The following MYH13 variants were observed in gnomAD, a reference collection of about 807,000 sequenced individuals.
MYH13 encodes the protein myosin-13.
A neutral mutation model predicts 232.1 loss-of-function variants in MYH13; 177 were observed. That is an observed-to-expected ratio of 0.76 (90% CI 0.67 to 0.86). The LOEUF (loss-of-function observed/expected upper bound fraction) is 0.86. Ranked by LOEUF, MYH13 falls within the 40% of genes least tolerant of loss-of-function variation. The probability of loss-of-function intolerance (pLI) is 0.00; values close to 1 mark genes in which losing one functional copy is unlikely to be tolerated. For missense variants in MYH13, 2,246 were observed against 2,405.9 expected, an observed-to-expected ratio of 0.93 and a Z score of 1.39; for synonymous variants, 884 against 923.5, an observed-to-expected ratio of 0.96 and a Z score of 0.78.
intron 21 of MYH13, 42 bp downstream of exon 21, chr17:10,330,345 G>T: frequency 6.2e-7 from 1 of 1,607,720 alleles, no homozygotes; most frequent in Non-Finnish European, 8.5e-7. Flanking sequence ...CAGCTGCTAA[G>T]CAGAGAGGGC....
intron 7 of MYH13, among the ~76,000 whole-genome samples, chr17:10,358,670 C>T (rs1335650136): frequency 1.3e-5 from 2 of 152,090 alleles, no homozygotes; most frequent in Non-Finnish European, 2.9e-5. Flanking sequence ...AGGATGATCG[C>T]TTGAGCCCAG....
intron 11 of MYH13, among the ~76,000 whole-genome samples, chr17:10,351,573 C>T (rs73977144): frequency 0.027 from 4,056 of 152,238 alleles, 142 homozygotes; most frequent in African/African-American, 0.084. Context: ...ATTAAATCCC[C>T]ATGAAGCCCC....
At position 10,350,746 on chromosome 17, in the gene MYH13, C is replaced by G. The variant is rs1243216231; in HGVS notation, c.1006-52G>C. The G allele has an allele frequency of 7.5e-6, 12 of 1,609,018 alleles. No individual in the cohort carries two copies. The East Asian group carries it at 2.5e-4, about 33-fold the overall frequency. On this transcript the variant is annotated intron_variant, in intron 11 of 40. Transcript: ENST00000252172. ...ATAGCAGGAATCAGGGATCCATATGCAGCCTTTTCTTGGCAAAGACCTTAC... is the reference window on the plus strand; with the variant it reads ...ATAGCAGGAATCAGGGATCCATATGGAGCCTTTTCTTGGCAAAGACCTTAC...
At chr17:10,322,378 CAG>C (rs1323895943) in intron 23 of MYH13, among the ~76,000 whole-genome samples, 1 of 152,048 alleles carries the variant, frequency 6.6e-6, no homozygotes, top group African/African-American at 2.4e-5. Flanking sequence ...AGCCTGGTGA[CAG>C]AGCGAGACTC....
chr17:10,309,020 G>A (rs1365566162), intron 35 of MYH13, among the ~76,000 whole-genome samples: 2 of 152,270 alleles, frequency 1.3e-5, no homozygotes, highest in Non-Finnish European at 2.9e-5. Context: ...ATGTTTGGAT[G>A]AGAGAAAGCT....
chr17:10,361,145 A>G (rs182350888), intron 5 of MYH13, among the ~76,000 whole-genome samples: 154 of 152,326 alleles, frequency 1.0e-3, no homozygotes, highest in Non-Finnish European at 1.8e-3. Flanking sequence ...TTTAAAATTA[A>G]TGTAACATGA....
intron 23 of MYH13, 77 bp downstream of exon 23, chr17:10,323,945 G>A (rs1907099924): frequency 1.5e-5 from 23 of 1,559,714 alleles, no homozygotes; most frequent in East Asian, 4.5e-5. Context: ...GGACTCCTAC[G>A]CCACCCTTTC....
chr17:10,362,360 G>T lies in MYH13; in HGVS notation c.348C>A (p.Tyr116Ter), dbSNP rs767555564. The stretch of plus-strand genomic sequence containing the variant: ...TAAAAAGGTGTTTACAGACACTCAC[G>T]TAGATCATCCAGGCTGCATAGCGCT... ...LKERYAAWMI[Y>*]TYSGLFCVTV... Residue 116 changes from tyrosine (Y) to a stop codon, truncating the protein, a stop_gained and splice_region_variant, in exon 4 of 41, where the codon TAC becomes TAA. Transcript: ENST00000252172. LOFTEE classifies it high-confidence loss of function. 1 of 1,614,164 alleles carries T rather than the reference G, an allele frequency of 6.2e-7. No homozygotes were observed. The highest frequency in any genetic ancestry group is 8.5e-7 in the Non-Finnish European group (1 of 1,180,048).
Position 10,372,292 on chromosome 17 carries a change from C to T in MYH13, c.-64+687G>A, listed in dbSNP as rs144968631. On this transcript the variant is annotated intron_variant, in intron 1 of 40. Coordinates refer to ENST00000252172, the MANE Select transcript of MYH13 (RefSeq NM_003802.3). Reference sequence around the variant, plus strand: ...ATTTCTTTGGGTTTCTGTTTCCTTCCGTAAAATGAATCAGATGCACCAGAA... The same window carrying T: ...ATTTCTTTGGGTTTCTGTTTCCTTCTGTAAAATGAATCAGATGCACCAGAA... Among the ~76,000 whole-genome samples, 432 of 152,190 alleles carry T rather than the reference C, an allele frequency of 2.8e-3. 1 individual carries two copies. The highest frequency in any genetic ancestry group is 0.01 in the African/African-American group (422 of 41,508).
chr17:10,313,041 G>T, intron 30 of MYH13, 117 bp downstream of exon 30: 1 of 1,499,370 alleles, frequency 6.7e-7, no homozygotes. Context: ...TACAATCCGA[G>T]TGTTTCAGAA....
chr17:10,312,840 T>C (rs573275452), intron 30 of MYH13, 83 bp from the exon 31 acceptor site: 2 of 1,438,806 alleles, frequency 1.4e-6, no homozygotes, highest in African/African-American at 1.4e-5. Context: ...GAGAAATGAA[T>C]AGCGTGGAAG....
chr17:10,322,120 C>T (rs570994952), intron 23 of MYH13, among the ~76,000 whole-genome samples: 48 of 152,188 alleles, frequency 3.2e-4, no homozygotes, highest in Non-Finnish European at 4.0e-4. Context: ...ACGCCGGGCG[C>T]GGTGGCTCAC....
intron 18 of MYH13, among the ~76,000 whole-genome samples, chr17:10,338,849 C>T (rs12943663): frequency 0.19 from 28,183 of 151,938 alleles, 3,435 homozygotes; most frequent in Non-Finnish European, 0.28. Flanking sequence ...TACAGGCGCC[C>T]GCCACCACGC....
intron 35 of MYH13, among the ~76,000 whole-genome samples, chr17:10,307,418 T>C (rs1014593555): frequency 3.3e-5 from 5 of 152,078 alleles, no homozygotes; most frequent in Non-Finnish European, 7.4e-5. Context: ...ATGCCATAAA[T>C]AGAATTGTAA....
chr17:10,343,349 C>T (rs2071634417), intron 16 of MYH13, among the ~76,000 whole-genome samples: 1 of 151,994 alleles, frequency 6.6e-6, no homozygotes, highest in African/African-American at 2.4e-5. Context: ...AGGTATGTGC[C>T]ACCACACTCG....
intron 12 of MYH13, among the ~76,000 whole-genome samples, chr17:10,349,654 A>G (rs1259442459): frequency 6.6e-6 from 1 of 152,040 alleles, no homozygotes; most frequent in Non-Finnish European, 1.5e-5. Flanking sequence ...TGGAACCTGT[A>G]CAACTCCCAT....
chr17:10,333,985 A>AC (rs1384455856), intron 18 of MYH13, among the ~76,000 whole-genome samples: 1 of 151,610 alleles, frequency 6.6e-6, no homozygotes, highest in African/African-American at 2.4e-5. Context: ...TCTGCTGACC[A>AC]CTCAGCCCCT....
At chr17:10,320,309 G>C in intron 25 of MYH13, 42 bp downstream of exon 25, 1 of 1,608,230 alleles carries the variant, frequency 6.2e-7, no homozygotes, top group Non-Finnish European at 8.5e-7. Context: ...GTGAAAGTTG[G>C]CTTTTAGGCT....
At chr17:10,318,735 C>G in intron 27 of MYH13, 55 bp downstream of exon 27, 1 of 1,602,648 alleles carries the variant, frequency 6.2e-7, no homozygotes. Context: ...TGCCCAGGGG[C>G]AGGTGGCCGT....
Sources: allele counts gnomAD v4.1 joint callset (sites outside exome capture counted in the v4.1 genomes callset), GRCh38; gene constraint gnomAD v4.1.1; transcripts MANE v1.5; gene names NCBI Gene and HGNC (gene_info 2026-07-23, HGNC 2026-07-21).